Variants in ZNF609 observed in about 807,000 individuals in gnomAD.
ZNF609 encodes the protein zinc finger protein 609.
A neutral mutation model predicts 109.5 loss-of-function variants in ZNF609; 11 were observed. The observed-to-expected ratio is 0.10, with a 90% CI of 0.06 to 0.17. ZNF609 has a LOEUF of 0.17. Among genes scored for constraint, ZNF609 ranks in the 10% least tolerant of loss-of-function variants. The pLI, the probability that ZNF609 is intolerant of heterozygous loss-of-function variation, is 1.00. For synonymous variants in ZNF609, 646 were observed against 662.0 expected (o/e 0.98, Z 0.37); for missense variants, 1,559 against 1,772.4 (o/e 0.88, Z 2.16).
chr15:64,558,502 T>C (rs1894626517), intron 2 of ZNF609, among the ~76,000 whole-genome samples: 1 of 152,232 alleles, frequency 6.6e-6, no homozygotes, highest in African/African-American at 2.4e-5. Context: ...GTTGTCTGGC[T>C]CATATTTATT....
At chr15:64,609,916 T>G (rs1013014222) in intron 2 of ZNF609, among the ~76,000 whole-genome samples, 4 of 151,836 alleles carry the variant, frequency 2.6e-5, no homozygotes, top group Non-Finnish European at 5.9e-5. Context: ...TAGTCCCAGC[T>G]GCTCGGGAGG....
At chr15:64,618,497 G>A (rs996755866) in intron 2 of ZNF609, among the ~76,000 whole-genome samples, 4 of 152,182 alleles carry the variant, frequency 2.6e-5, no homozygotes, top group African/African-American at 9.7e-5. Flanking sequence ...CAAGAACAGA[G>A]GGCTTTCTGT....
At chr15:64,593,532 CTT>C (rs1030921866) in intron 2 of ZNF609, among the ~76,000 whole-genome samples, 3 of 152,078 alleles carry the variant, frequency 2.0e-5, no homozygotes, top group South Asian at 2.1e-4. Flanking sequence ...AGAATGTTCT[CTT>C]GTTTGTTTTT....
intron 2 of ZNF609, among the ~76,000 whole-genome samples, chr15:64,507,789 G>A (rs1308115112): frequency 6.6e-6 from 1 of 152,170 alleles, no homozygotes; most frequent in African/African-American, 2.4e-5. Flanking sequence ...GAGAGCAGAG[G>A]GAAGATGGCT....
intron 2 of ZNF609, among the ~76,000 whole-genome samples, chr15:64,586,664 CTG>C (rs1228890589): frequency 6.6e-6 from 1 of 151,924 alleles, no homozygotes; most frequent in Non-Finnish European, 1.5e-5. Flanking sequence ...CCCCCTCTGT[CTG>C]TGGAAAAATT....
rs1893529674 is a variant in ZNF609 at position 64,499,566 on chromosome 15, G to A, written c.147G>A (p.Leu49=). The change falls in exon 2 of 10, where the codon CTG becomes CTA. Residue 49 remains leucine, a synonymous_variant. Transcript: ENST00000326648. ...DADLEKDQQK[L]EMSGSKEVGI... ...ATCTGGAAAAGGACCAGCAGAAACT[G>A]GAAATGTCAGGCTCAAAGGAGGTGG... 14 of 1,614,124 alleles carry A rather than the reference G, an allele frequency of 8.7e-6. No individual in the cohort carries two copies. The highest frequency in any genetic ancestry group is 1.2e-5 in the Non-Finnish European group (14 of 1,180,034).
intron 3 of ZNF609, among the ~76,000 whole-genome samples, chr15:64,663,542 G>T (rs1459074407): frequency 6.6e-6 from 1 of 152,156 alleles, no homozygotes; most frequent in African/African-American, 2.4e-5. Context: ...CATGAATCTG[G>T]AGTTTAGGGG....
chr15:64,624,569 C>CT (rs1895923086), intron 3 of ZNF609, among the ~76,000 whole-genome samples: 1 of 151,928 alleles, frequency 6.6e-6, no homozygotes, highest in Non-Finnish European at 1.5e-5. Context: ...CTAACAAAAA[C>CT]TTTGAGAGAG....
In ZNF609 at chr15:64,557,975, C is replaced by T. The variant is rs569507638; in HGVS notation, c.747+57809C>T. Among the ~76,000 whole-genome samples the T allele has an allele frequency of 7.9e-5, 12 of 152,234 alleles. No individual in the cohort carries two copies. In the South Asian group the frequency reaches 1.2e-3, roughly 16 times the overall value. On this transcript the variant is annotated intron_variant, in intron 2 of 9. Transcript: ENST00000326648. ...CTGGGATTACAGGCGTGAGCCACCG[C>T]GCCCGGCCGAAAGATTTTCTTAAAG...
chr15:64,625,468 C>T (rs1022046604), intron 3 of ZNF609, among the ~76,000 whole-genome samples: 6 of 151,874 alleles, frequency 4.0e-5, no homozygotes, highest in Admixed American at 2.6e-4. Flanking sequence ...TGCAGTGAGC[C>T]GAGATCGCAC....
chr15:64,557,596 T>A (rs1894609969), intron 2 of ZNF609, among the ~76,000 whole-genome samples: 1 of 152,190 alleles, frequency 6.6e-6, no homozygotes, highest in African/African-American at 2.4e-5. Context: ...AATCTTATAA[T>A]CAGTGAAGAG....
At chr15:64,525,981 G>T (rs1395366190) in intron 2 of ZNF609, among the ~76,000 whole-genome samples, 4 of 151,728 alleles carry the variant, frequency 2.6e-5, no homozygotes, top group African/African-American at 7.3e-5. Context: ...GTAGAGCTCG[G>T]GTTTCACCAT....
At chr15:64,614,436 G>T (rs184352547) in intron 2 of ZNF609, among the ~76,000 whole-genome samples, 1 of 151,308 alleles carries the variant, frequency 6.6e-6, no homozygotes, top group Non-Finnish European at 1.5e-5. Context: ...GGGTTTCACC[G>T]TGTTAGCCAG....
chr15:64,584,053 C>A (rs1895154617), intron 2 of ZNF609, among the ~76,000 whole-genome samples: 1 of 152,070 alleles, frequency 6.6e-6, no homozygotes, highest in Non-Finnish European at 1.5e-5. Context: ...GCTCTTTGTC[C>A]TCAAGGATTT....
Position 64,680,841 on chromosome 15 carries a change from T to C in ZNF609, c.4141T>C (p.Tyr1381His). 6.2e-7 allele frequency: 1 copy of C among 1,611,736 alleles called. No homozygotes were observed. The highest frequency in any genetic ancestry group is 8.5e-7 in the Non-Finnish European group (1 of 1,180,004). ...GGGGTACTCATTGCTCCCAGCACAG[T>C]ACAACTTACCCTATGCAGCAGGTAA... is the stretch of plus-strand genomic sequence containing the variant. ...HLGYSLLPAQ[Y>H]NLPYAAGLSS... Residue 1381 changes from tyrosine to histidine, a missense_variant, in exon 8 of 10, where the codon TAC becomes CAC. By Grantham distance (83) the Tyr-to-His change is moderately conservative. This residue lies in a region of ZNF609 where 1,204 missense variants were observed against 1,314.1 expected (regional missense o/e 0.92). Coordinates refer to ENST00000326648, the MANE Select transcript of ZNF609 (RefSeq NM_015042.2).
intron 2 of ZNF609, among the ~76,000 whole-genome samples, chr15:64,525,242 G>T (rs1392359440): frequency 1.3e-5 from 2 of 152,084 alleles, no homozygotes; most frequent in South Asian, 2.1e-4. Flanking sequence ...TCCATTTTGA[G>T]TTAATTTTTC....
intron 3 of ZNF609, among the ~76,000 whole-genome samples, chr15:64,642,928 TTTC>T (rs2140991451): frequency 6.6e-6 from 1 of 152,344 alleles, no homozygotes; most frequent in South Asian, 2.1e-4. Context: ...GGTCTAATTC[TTTC>T]TAGTTTCTTC....
chr15:64,668,938 G>A (rs1896687515), intron 3 of ZNF609, among the ~76,000 whole-genome samples: 1 of 113,794 alleles, frequency 8.8e-6, no homozygotes, highest in Non-Finnish European at 1.7e-5. Context: ...GGCAACAAGA[G>A]CGAAACTCCG....
chr15:64,659,761 A>G (rs975506929), intron 3 of ZNF609, among the ~76,000 whole-genome samples: 1 of 152,140 alleles, frequency 6.6e-6, no homozygotes. Context: ...GAAGTCCCCA[A>G]CTTACGAATG....
Sources: allele counts gnomAD v4.1 joint callset (sites outside exome capture counted in the v4.1 genomes callset), GRCh38; gene constraint gnomAD v4.1.1; regional missense constraint gnomAD v4.1.1; transcripts MANE v1.5; gene names NCBI Gene and HGNC (gene_info 2026-07-23, HGNC 2026-07-21).